Variants in MBNL2 observed in about 807,000 individuals in gnomAD.
MBNL2 encodes muscleblind like splicing regulator 2, also known as muscleblind-like protein 2.
In MBNL2, 17 loss-of-function variants were observed where a neutral mutation model predicts 41.9. That is an observed-to-expected ratio of 0.41 (90% confidence interval 0.28 to 0.61). MBNL2 has a LOEUF of 0.61. Among genes scored for constraint, MBNL2 ranks in the 20% least tolerant of loss-of-function variants. The probability of loss-of-function intolerance (pLI) is 0.35; values close to 1 mark genes in which losing one functional copy is unlikely to be tolerated. For synonymous variants in MBNL2, 195 were observed against 182.9 expected (o/e 1.07, Z -0.53); for missense variants, 336 against 505.6 (o/e 0.66, Z 3.22).
At chr13:97,163,573 C>A in the MBNL2 span, among the ~76,000 whole-genome samples, 2 of 152,204 alleles carry the variant, frequency 1.3e-5, no homozygotes, top group African/African-American at 4.8e-5. Flanking sequence ...TCCACCTGAG[C>A]AGATGGTAGG....
the MBNL2 span, among the ~76,000 whole-genome samples, chr13:97,214,523 G>A: frequency 3.3e-5 from 5 of 152,200 alleles, no homozygotes; most frequent in African/African-American, 1.2e-4. Flanking sequence ...GAAAAGTATA[G>A]CACATGAGTG....
At chr13:97,155,336 G>T in the MBNL2 span, among the ~76,000 whole-genome samples, 1 of 146,516 alleles carries the variant, frequency 6.8e-6, no homozygotes, top group Non-Finnish European at 1.5e-5. Flanking sequence ...ACTCACCCTT[G>T]TGTAATTCCA....
chr13:97,218,862 G>GA (rs1190363235), upstream of MBNL2, among the ~76,000 whole-genome samples: 4 of 151,364 alleles, frequency 2.6e-5, no homozygotes, highest in African/African-American at 9.7e-5. Flanking sequence ...ATGTGTTACG[G>GA]AGCGCCTCCA....
At chr13:97,380,182 T>C (rs1474399548) in intron 8 of MBNL2, among the ~76,000 whole-genome samples, 1 of 152,156 alleles carries the variant, frequency 6.6e-6, no homozygotes, top group Non-Finnish European at 1.5e-5. Flanking sequence ...ATATCTTCTC[T>C]CAACAAATGT....
At chr13:97,203,313 A>G in the MBNL2 span, among the ~76,000 whole-genome samples, 3 of 152,148 alleles carry the variant, frequency 2.0e-5, no homozygotes, top group Non-Finnish European at 1.5e-5. Flanking sequence ...TAATTCACAT[A>G]CAAATTGGCA....
intron 8 of MBNL2, among the ~76,000 whole-genome samples, chr13:97,381,875 A>AT (rs1472589246): frequency 6.6e-6 from 1 of 151,926 alleles, no homozygotes; most frequent in African/African-American, 2.4e-5. Context: ...TATTGTCTGC[A>AT]TATTACATAT....
the MBNL2 span, among the ~76,000 whole-genome samples, chr13:97,174,036 C>T: frequency 6.6e-6 from 1 of 152,126 alleles, no homozygotes; most frequent in Non-Finnish European, 1.5e-5. Context: ...CAGATACTGC[C>T]CATTTTTGTA....
At chr13:97,162,819 G>C in the MBNL2 span, among the ~76,000 whole-genome samples, 1 of 152,128 alleles carries the variant, frequency 6.6e-6, no homozygotes, top group South Asian at 2.1e-4. Context: ...TCATAAAACA[G>C]GTTTATTTTT....
intron 2 of MBNL2, among the ~76,000 whole-genome samples, chr13:97,277,303 G>A (rs543603787): frequency 1.3e-5 from 2 of 152,252 alleles, no homozygotes; most frequent in South Asian, 2.1e-4. Flanking sequence ...GTTCCTACAG[G>A]CATAATAATA....
intron 5 of MBNL2, among the ~76,000 whole-genome samples, chr13:97,354,039 C>CAA (rs61536908): frequency 0.02 from 2,052 of 101,820 alleles, 30 homozygotes; most frequent in African/African-American, 0.036. Context: ...GTCCTCAATC[C>CAA]AAAAAAAAAA....
intron 1 of MBNL2, among the ~76,000 whole-genome samples, chr13:97,259,478 T>C (rs1376718171): frequency 6.6e-6 from 1 of 152,182 alleles, no homozygotes; most frequent in East Asian, 1.9e-4. Flanking sequence ...TCCCCTTTTG[T>C]GCTCCCTCCT....
intron 5 of MBNL2, among the ~76,000 whole-genome samples, chr13:97,355,887 T>C (rs1026746639): frequency 1.3e-5 from 2 of 152,226 alleles, no homozygotes; most frequent in Non-Finnish European, 2.9e-5. Context: ...CAAATAGAAT[T>C]ACTAAATAGA....
intron 1 of MBNL2, among the ~76,000 whole-genome samples, chr13:97,264,696 T>A (rs2049375071): frequency 6.6e-6 from 1 of 152,074 alleles, no homozygotes; most frequent in Non-Finnish European, 1.5e-5. Flanking sequence ...AAAAAAGGGG[T>A]TATTAGTATT....
At chr13:97,389,428 G>A (rs898723712) in intron 8 of MBNL2, among the ~76,000 whole-genome samples, 6 of 152,118 alleles carry the variant, frequency 3.9e-5, no homozygotes, top group African/African-American at 1.2e-4. Context: ...AACTGGCTGG[G>A]TACAGTGGCT....
chr13:97,301,630 C>G (rs1486895683), intron 2 of MBNL2, among the ~76,000 whole-genome samples: 1 of 152,156 alleles, frequency 6.6e-6, no homozygotes, highest in Non-Finnish European at 1.5e-5. Context: ...AATTGAGTTA[C>G]TTGCAGGAAG....
At chr13:97,180,092 G>A in the MBNL2 span, among the ~76,000 whole-genome samples, 1 of 152,352 alleles carries the variant, frequency 6.6e-6, no homozygotes, top group East Asian at 1.9e-4. Context: ...TACGGTGGTA[G>A]AATTAAGGTG....
At chr13:97,197,976 C>A in the MBNL2 span, among the ~76,000 whole-genome samples, 1 of 152,150 alleles carries the variant, frequency 6.6e-6, no homozygotes, top group African/African-American at 2.4e-5. Context: ...GAATCTCAGA[C>A]TCATATTGAG....
intron 1 of MBNL2, among the ~76,000 whole-genome samples, chr13:97,244,350 G>A (rs1451549935): frequency 2.0e-5 from 3 of 152,200 alleles, no homozygotes; most frequent in Non-Finnish European, 4.4e-5. Context: ...GCAACAAATT[G>A]ACGGATGCAG....
chr13:97,302,094 C>G (rs1345770594), intron 2 of MBNL2, among the ~76,000 whole-genome samples: 1 of 152,186 alleles, frequency 6.6e-6, no homozygotes, highest in Non-Finnish European at 1.5e-5. Context: ...CCTGGTCCTG[C>G]AACTATCTCC....
Sources: allele counts gnomAD v4.1 joint callset (sites outside exome capture counted in the v4.1 genomes callset), GRCh38; gene constraint gnomAD v4.1.1; transcripts MANE v1.5; gene names NCBI Gene and HGNC (gene_info 2026-07-23, HGNC 2026-07-21).